The following USP7 variants were observed in gnomAD, a reference collection of about 807,000 sequenced individuals.
USP7 encodes the protein ubiquitin specific peptidase 7.
USP7 carries 9 observed loss-of-function variants against 162.9 expected under a neutral mutation model. The observed-to-expected ratio is 0.06, with a 90% CI of 0.03 to 0.10. The LOEUF is 0.10. USP7 is among the 10% of genes least tolerant of loss of function. The pLI is 1.00. For synonymous variants in USP7, 562 were observed against 475.9 expected, an observed-to-expected ratio of 1.18 and a Z score of -2.35; for missense variants, 715 against 1,373.7, an observed-to-expected ratio of 0.52 and a Z score of 7.58.
chr16:8,942,241 G>T (rs1165798143), intron 1 of USP7, among the ~76,000 whole-genome samples: 1 of 152,252 alleles, frequency 6.6e-6, no homozygotes, highest in Admixed American at 6.5e-5. Context: ...AGCCATCCAT[G>T]TCCTTGGGAG....
chr16:8,953,205 G>A (rs190113093), intron 1 of USP7, among the ~76,000 whole-genome samples: 3 of 151,964 alleles, frequency 2.0e-5, no homozygotes, highest in African/African-American at 4.8e-5. Context: ...CCCTCCCCGC[G>A]GTAAGCCAGT....
At position 8,961,504 on chromosome 16, in the gene USP7, A is replaced by AAGG. The variant is rs558975663; in HGVS notation, c.79+1702_79+1703insCCT. Among the ~76,000 whole-genome samples, 20 of 60,568 alleles carry AAGG rather than the reference A, an allele frequency of 3.3e-4. 2 individuals carry two copies. The highest frequency in any genetic ancestry group is 4.5e-4 in the Admixed American group (2 of 4,422). The allele number at this position is 60,568 out of a possible 152,430, so 39.7% of individuals were successfully genotyped here. A position where few individuals can be genotyped will look rare whatever the true frequency, so the allele number is the denominator to read the frequency against. On this transcript the variant is annotated intron_variant, in intron 1 of 30. Coordinates refer to ENST00000344836, the MANE Select transcript of USP7 (RefSeq NM_003470.3). Reference sequence around the variant, plus strand: ...CAAAAATCCGTCTCAAAAAAAAAAAAGGGGGGGGGGGGCAAATACCTTGAA... The same window carrying AAGG: ...CAAAAATCCGTCTCAAAAAAAAAAAAAGGGGGGGGGGGGGGCAAATACCTTGAA...
At chr16:8,907,249 C>G (rs935594976) in intron 12 of USP7, among the ~76,000 whole-genome samples, 4 of 152,176 alleles carry the variant, frequency 2.6e-5, no homozygotes, top group Admixed American at 2.6e-4. Context: ...CTGGCTCCAA[C>G]AAAAATAAAA....
chr16:8,904,607 T>A, intron 14 of USP7, 42 bp from the exon 15 acceptor site: 1 of 1,604,564 alleles, frequency 6.2e-7, no homozygotes, highest in South Asian at 1.1e-5. Context: ...GCAGATGGAC[T>A]TTCCCCTCTT....
chr16:8,893,760 T>A lies in USP7; in HGVS notation c.*238A>T. 1 of 468,950 alleles carries A rather than the reference T, an allele frequency of 2.1e-6. No individual in the cohort carries two copies. Among genetic ancestry groups the A allele is most frequent in the Non-Finnish European group, 3.9e-6 (1 of 254,746 alleles). The allele number at this position is 468,950 out of a possible 1,614,324, so 29.0% of individuals were successfully genotyped here. A position where few individuals can be genotyped will look rare whatever the true frequency, so the allele number is the denominator to read the frequency against. ...CGCTGACAGTTGCCTTGCACTGTGG[T>A]TACCATAAAATAACTCTCATTGGCA... On this transcript the variant is annotated 3_prime_UTR_variant, in exon 31 of 31. Coordinates refer to ENST00000344836, the MANE Select transcript of USP7 (RefSeq NM_003470.3).
chr16:8,940,794 A>G (rs1899006143), intron 1 of USP7, among the ~76,000 whole-genome samples: 1 of 152,128 alleles, frequency 6.6e-6, no homozygotes, highest in South Asian at 2.1e-4. Flanking sequence ...GCCCTGGAAT[A>G]TTAGCCGGAC....
intron 10 of USP7, among the ~76,000 whole-genome samples, chr16:8,913,895 C>T (rs2061990022): frequency 6.6e-6 from 1 of 151,874 alleles, no homozygotes. Flanking sequence ...ACTACAGGTG[C>T]ATGCCACCAC....
At chr16:8,937,953 T>C (rs1041518422) in intron 1 of USP7, among the ~76,000 whole-genome samples, 3 of 152,254 alleles carry the variant, frequency 2.0e-5, no homozygotes, top group African/African-American at 7.2e-5. Context: ...TCTGCTTAAG[T>C]ATTTCATGAA....
intron 1 of USP7, chr16:8,962,548 C>A: frequency 2.3e-6 from 1 of 434,060 alleles, no homozygotes. Context: ...CAAGCGCACA[C>A]CTGGCCGGAT....
At chr16:8,896,844 G>T (rs1262760219) in intron 26 of USP7, among the ~76,000 whole-genome samples, 155 bp downstream of exon 26, 2 of 152,206 alleles carry the variant, frequency 1.3e-5, no homozygotes, top group African/African-American at 2.4e-5. Flanking sequence ...TTGAGCTTCT[G>T]TGCAACTGTC....
Position 8,930,375 on chromosome 16 carries a change from T to C in USP7, c.102A>G (p.Pro34=), listed in dbSNP as rs775035412. The C allele has an allele frequency of 9.9e-6, 16 of 1,612,114 alleles. No homozygotes were observed. Among genetic ancestry groups the C allele is most frequent in the Non-Finnish European group, 1.3e-5 (15 of 1,179,048 alleles). ...EMEAGDTDDP[P]RITQNPVING... ...TGATCACAGGGTTCTGAGTAATTCTTGGTGGGTCATCTGTATCTCCCGCTT... is the reference window on the plus strand; with the variant it reads ...TGATCACAGGGTTCTGAGTAATTCTCGGTGGGTCATCTGTATCTCCCGCTT... The change falls in exon 2 of 31, where the codon CCA becomes CCG. Residue 34 remains proline (P), a synonymous_variant. Coordinates refer to ENST00000344836, the MANE Select transcript of USP7 (RefSeq NM_003470.3).
At chr16:8,937,347 C>A (rs1176437665) in intron 1 of USP7, among the ~76,000 whole-genome samples, 3 of 152,156 alleles carry the variant, frequency 2.0e-5, no homozygotes, top group Non-Finnish European at 4.4e-5. Flanking sequence ...AAGTTTGAGA[C>A]CAGCCTGGCC....
chr16:8,936,662 C>G lies in USP7; in HGVS notation c.80-6265G>C, dbSNP rs147246477. On this transcript the variant is annotated intron_variant, in intron 1 of 30. Coordinates refer to ENST00000344836, the MANE Select transcript of USP7 (RefSeq NM_003470.3). ...TCTGCTGGGGGATGGGGGAGGTTCT[C>G]TCACCCACATCAGAGTGACTGCATA... 550 of 1,548,896 alleles carry G rather than the reference C, an allele frequency of 3.6e-4. 4 individuals carry two copies. The African/African-American group carries it at 6.6e-3, about 19-fold the overall frequency.
chr16:8,956,816 GGCACAGGATAGTAAGA>G (rs905551700), intron 1 of USP7, among the ~76,000 whole-genome samples: 1 of 151,434 alleles, frequency 6.6e-6, no homozygotes, highest in African/African-American at 2.4e-5. Flanking sequence ...CACAGCCACA[GGCACAGGATAGTAAGA>G]GCCCAGCCCC....
intron 21 of USP7, 127 bp from the exon 22 acceptor site, chr16:8,899,884 C>T (rs2061746662): frequency 1.7e-6 from 2 of 1,173,710 alleles, no homozygotes; most frequent in African/African-American, 1.5e-5. Context: ...TTCAGGTTCC[C>T]CTTTGAGGGG....
chr16:8,949,712 T>C (rs1899461322), intron 1 of USP7: 1 of 152,300 alleles, frequency 6.6e-6, no homozygotes, highest in African/African-American at 2.4e-5. Context: ...GCCCTCATTA[T>C]TTGCTCATAT....
At chr16:8,942,358 G>A (rs992970639) in intron 1 of USP7, among the ~76,000 whole-genome samples, 5 of 152,152 alleles carry the variant, frequency 3.3e-5, no homozygotes, top group Non-Finnish European at 7.4e-5. Context: ...ATATCAAGCA[G>A]TGGGGTCTGT....
At chr16:8,904,397 G>A in intron 15 of USP7, 38 bp downstream of exon 15, 2 of 1,609,182 alleles carry the variant, frequency 1.2e-6, no homozygotes, top group Non-Finnish European at 1.7e-6. Context: ...GTGCCCGGCT[G>A]CATGGTGACC....
At chr16:8,903,234 C>A (rs1336183643) in intron 16 of USP7, 34 bp downstream of exon 16, 3 of 1,589,358 alleles carry the variant, frequency 1.9e-6, no homozygotes, top group Non-Finnish European at 2.6e-6. Context: ...CGTTGGGAGC[C>A]ACGGTGGGGT....
Sources: gnomAD v4.1 joint callset for allele counts (sites outside exome capture counted in the v4.1 genomes callset) on GRCh38, gnomAD v4.1.1 for gene constraint, MANE v1.5 for transcripts, NCBI Gene and HGNC (gene_info 2026-07-23, HGNC 2026-07-21) for gene names.